Variants in TBC1D19 observed in about 807,000 individuals in gnomAD.
TBC1D19 encodes the protein TBC1 domain family member 19.
A neutral mutation model predicts 89.0 loss-of-function variants in TBC1D19; 60 were observed. The observed-to-expected ratio is 0.67, with a 90% CI of 0.55 to 0.84. The LOEUF (loss-of-function observed/expected upper bound fraction) is 0.84, where lower values mean the gene tolerates loss of function less well. TBC1D19 is among the 40% of genes least tolerant of loss of function. TBC1D19 has a pLI of 0.00. For missense variants in TBC1D19, 500 were observed against 610.8 expected (o/e 0.82, Z 1.91); for synonymous variants, 189 against 199.7 (o/e 0.95, Z 0.45).
At position 26,634,586 on chromosome 4, in the gene TBC1D19, G is replaced by A. The variant is rs147579840; in HGVS notation, c.295-2625G>A. The stretch of plus-strand genomic sequence containing the variant: ...TTATGCAGTTGTGATTTAATACTGC[G>A]TCTTTATGTTTGTTCATATTTCTCT... On this transcript the variant is annotated intron_variant, in intron 4 of 20. Coordinates refer to ENST00000264866, the MANE Select transcript of TBC1D19 (RefSeq NM_018317.4). Among the ~76,000 whole-genome samples, 521 of 152,108 alleles carry A rather than the reference G, an allele frequency of 3.4e-3. 1 individual carries two copies. The highest frequency in any genetic ancestry group is 5.0e-3 in the Non-Finnish European group (342 of 67,992).
At chr4:26,835,974 G>GCTCT in the TBC1D19 span, among the ~76,000 whole-genome samples, 876 of 143,548 alleles carry the variant, frequency 6.1e-3, 5 homozygotes, top group African/African-American at 0.013. Context: ...CATGTGAAGT[G>GCTCT]CTCTCTCTCT....
At chr4:26,655,837 C>T (rs1021801291) in intron 7 of TBC1D19, among the ~76,000 whole-genome samples, 6 of 152,216 alleles carry the variant, frequency 3.9e-5, no homozygotes, top group South Asian at 2.1e-4. Context: ...GGCAATGCCT[C>T]GCCCTGCTTC....
the TBC1D19 span, among the ~76,000 whole-genome samples, chr4:26,849,701 G>A: frequency 6.6e-6 from 1 of 152,134 alleles, no homozygotes; most frequent in Admixed American, 6.6e-5. Context: ...CTTTGCAAAT[G>A]AAAGAGCTTT....
At chr4:26,856,524 C>T in the TBC1D19 span, among the ~76,000 whole-genome samples, 468 of 152,260 alleles carry the variant, frequency 3.1e-3, 2 homozygotes, top group African/African-American at 0.011. Flanking sequence ...TATGATAATT[C>T]TATTCCTAGT....
chr4:26,735,341 C>A (rs1280105392), intron 15 of TBC1D19, 114 bp from the exon 16 acceptor site: 18 of 773,230 alleles, frequency 2.3e-5, no homozygotes, highest in Non-Finnish European at 3.6e-5. Context: ...CATTTATGAA[C>A]AGAGTTGAAG....
rs1578016614 is a variant in TBC1D19, at chr4:26,749,154, C to G, written c.1435+628C>G. 2.0e-5 allele frequency among the ~76,000 whole-genome samples: 3 copies of G among 152,056 alleles called. No homozygotes were observed. The East Asian group carries it at 5.8e-4, about 29-fold the overall frequency. On this transcript the variant is annotated intron_variant, in intron 19 of 20. Transcript: ENST00000264866. ...AGCAGTTCTTACAACAGATGTATGC[C>G]CAAGGCAATTATATGATTACAAAGA...
At chr4:26,618,804 A>C (rs914484876) in intron 3 of TBC1D19, among the ~76,000 whole-genome samples, 6 of 152,220 alleles carry the variant, frequency 3.9e-5, no homozygotes, top group Non-Finnish European at 5.9e-5. Flanking sequence ...GGATAAATGT[A>C]GGCAAGGAAT....
chr4:26,770,503 A>G, the TBC1D19 span, among the ~76,000 whole-genome samples: 28 of 152,256 alleles, frequency 1.8e-4, no homozygotes, highest in African/African-American at 4.1e-4. Flanking sequence ...AGAAAAATCT[A>G]TAGTTCTTAT....
At chr4:26,632,552 G>A (rs1038572602) in intron 4 of TBC1D19, among the ~76,000 whole-genome samples, 5 of 151,994 alleles carry the variant, frequency 3.3e-5, no homozygotes, top group African/African-American at 9.7e-5. Context: ...GAAGAGGAAG[G>A]GTTGGTCTTG....
chr4:26,714,373 T>A (rs1381446991), intron 13 of TBC1D19, among the ~76,000 whole-genome samples: 1 of 152,098 alleles, frequency 6.6e-6, no homozygotes, highest in African/African-American at 2.4e-5. Flanking sequence ...CCAAACATTG[T>A]GTATGGTGCT....
chr4:26,624,756 A>G (rs921104976), intron 4 of TBC1D19, among the ~76,000 whole-genome samples: 5 of 152,138 alleles, frequency 3.3e-5, no homozygotes, highest in Admixed American at 6.6e-5. Context: ...ATGCTGCAGA[A>G]ATTCAGAAAT....
the TBC1D19 span, among the ~76,000 whole-genome samples, chr4:26,795,798 AG>A: frequency 2.0e-5 from 3 of 152,252 alleles, no homozygotes; most frequent in African/African-American, 4.8e-5. Flanking sequence ...AAGATAGCTA[AG>A]AGAAAATAGG....
At chr4:26,584,393 C>T in intron 1 of TBC1D19, 101 bp downstream of exon 1, 2 of 1,029,418 alleles carry the variant, frequency 1.9e-6, no homozygotes, top group Middle Eastern at 4.6e-4. Context: ...CTGACCTCTC[C>T]AGCTCCGCTC....
chr4:26,607,738 CA>C (rs1419621471), intron 1 of TBC1D19, among the ~76,000 whole-genome samples: 1 of 152,192 alleles, frequency 6.6e-6, no homozygotes, highest in African/African-American at 2.4e-5. Context: ...ACTGTGCTTC[CA>C]GATTAACTTG....
At chr4:26,745,682 T>G (rs952535063) in intron 18 of TBC1D19, among the ~76,000 whole-genome samples, 15 of 151,748 alleles carry the variant, frequency 9.9e-5, no homozygotes, top group African/African-American at 3.6e-4. Context: ...AATTTTTTTT[T>G]TGTATTTTTA....
chr4:26,816,510 A>AT, the TBC1D19 span, among the ~76,000 whole-genome samples: 1 of 152,200 alleles, frequency 6.6e-6, no homozygotes, highest in Non-Finnish European at 1.5e-5. Context: ...CAAAGGGGGA[A>AT]AATCGTAAAT....
chr4:26,837,397 A>T, the TBC1D19 span, among the ~76,000 whole-genome samples: 3 of 152,206 alleles, frequency 2.0e-5, no homozygotes, highest in African/African-American at 7.2e-5. Context: ...TGGTTGGATG[A>T]GATGAATGAG....
chr4:26,704,062 G>T (rs1274686049), intron 13 of TBC1D19, among the ~76,000 whole-genome samples: 1 of 151,970 alleles, frequency 6.6e-6, no homozygotes, highest in Non-Finnish European at 1.5e-5. Flanking sequence ...AAATTTTACA[G>T]GCAACAATGC....
chr4:26,800,785 T>C, the TBC1D19 span, among the ~76,000 whole-genome samples: 2 of 152,244 alleles, frequency 1.3e-5, no homozygotes. Flanking sequence ...TCATGTGTTT[T>C]TTGGCTGCCT....
Sources: allele counts gnomAD v4.1 joint callset (sites outside exome capture counted in the v4.1 genomes callset), GRCh38; gene constraint gnomAD v4.1.1; transcripts MANE v1.5; gene names NCBI Gene and HGNC (gene_info 2026-07-23, HGNC 2026-07-21).